XKR6: variants seen among roughly 807,000 people sequenced by gnomAD.
XKR6 encodes the protein XK-related protein 6.
Under a neutral mutation model 56.7 loss-of-function variants are expected in XKR6, and 22 were observed. The ratio of observed to expected loss-of-function variants is 0.39; its 90% confidence interval spans 0.28 to 0.55. The LOEUF (loss-of-function observed/expected upper bound fraction) is 0.55, where lower values mean the gene tolerates loss of function less well. XKR6 is among the 20% of genes least tolerant of loss of function. The pLI is 0.66. For missense variants in XKR6, 852 were observed against 889.0 expected (o/e 0.96, Z 0.53); for synonymous variants, 524 against 387.8 (o/e 1.35, Z -4.13).
chr8:11,100,476 T>TA (rs1454606856), intron 1 of XKR6, among the ~76,000 whole-genome samples: 1 of 152,242 alleles, frequency 6.6e-6, no homozygotes, highest in African/African-American at 2.4e-5. Flanking sequence ...CGCAATGATT[T>TA]AGTCTACAAA....
intron 1 of XKR6, among the ~76,000 whole-genome samples, chr8:11,179,996 G>T (rs540461352): frequency 6.6e-6 from 1 of 151,942 alleles, no homozygotes. Flanking sequence ...AAAAACAGCT[G>T]GGCATGGTGG....
rs368914875 is a variant in XKR6 at position 11,166,507 on chromosome 8, C to T, written c.764+34069G>A. 7.9e-5 allele frequency among the ~76,000 whole-genome samples: 12 copies of T among 152,254 alleles called. 1 individual carries two copies. The East Asian group carries it at 1.2e-3, about 15-fold the overall frequency. On this transcript the variant is annotated intron_variant, in intron 1 of 2. Transcript: ENST00000416569. ...GCAGCCGTGATGGACTAAGACATCA[C>T]AAAAGATTTTTCAAAAATCTAATAT...
intron 1 of XKR6, chr8:11,138,038 C>G (rs532325143): frequency 5.1e-5 from 12 of 237,092 alleles, no homozygotes; most frequent in African/African-American, 2.6e-4. Context: ...GTGGGATCCT[C>G]CATCGCTGTC....
chr8:11,016,648 C>G (rs1185420443), intron 1 of XKR6, among the ~76,000 whole-genome samples: 1 of 152,198 alleles, frequency 6.6e-6, no homozygotes, highest in Non-Finnish European at 1.5e-5. Flanking sequence ...GCCTCCTCGT[C>G]ACTGCCACGG....
chr8:10,966,601 G>A (rs1258759731), intron 1 of XKR6, among the ~76,000 whole-genome samples: 1 of 152,124 alleles, frequency 6.6e-6, no homozygotes, highest in Non-Finnish European at 1.5e-5. Flanking sequence ...GTGAACCCAG[G>A]AGGCGGAGCT....
intron 1 of XKR6, among the ~76,000 whole-genome samples, chr8:10,998,146 G>C (rs183713493): frequency 6.2e-4 from 95 of 152,140 alleles, no homozygotes; most frequent in African/African-American, 2.0e-3. Flanking sequence ...TCCCCCGCCA[G>C]AGAGCGTCCA....
chr8:11,062,616 A>G, intron 1 of XKR6: 1 of 386,926 alleles, frequency 2.6e-6, no homozygotes, highest in Non-Finnish European at 5.1e-6. Flanking sequence ...AAAACAATTT[A>G]TCTAGATCTT....
intron 1 of XKR6, among the ~76,000 whole-genome samples, chr8:11,180,583 G>A (rs1055718076): frequency 6.6e-6 from 1 of 152,206 alleles, no homozygotes; most frequent in African/African-American, 2.4e-5. Flanking sequence ...ATAGTACAGG[G>A]CAGGAGAAGG....
intron 2 of XKR6, among the ~76,000 whole-genome samples, chr8:10,911,634 G>A (rs1423831030): frequency 1.4e-5 from 2 of 146,198 alleles, no homozygotes; most frequent in Admixed American, 1.4e-4. Context: ...GAGAGGGGGT[G>A]AGTATATATA....
chr8:10,977,434 A>T (rs930862673), intron 1 of XKR6, among the ~76,000 whole-genome samples: 2 of 151,818 alleles, frequency 1.3e-5, no homozygotes, highest in African/African-American at 4.8e-5. Flanking sequence ...CCAAGCAGTC[A>T]GCCAGTGGGT....
intron 1 of XKR6, among the ~76,000 whole-genome samples, chr8:10,926,811 C>T (rs1563292749): frequency 6.6e-6 from 1 of 152,246 alleles, no homozygotes; most frequent in Non-Finnish European, 1.5e-5. Context: ...TGGGCCCCTG[C>T]CCGTGAGTTC....
intron 1 of XKR6, among the ~76,000 whole-genome samples, chr8:11,049,586 A>C (rs1799494182): frequency 1.3e-5 from 2 of 152,192 alleles, no homozygotes; most frequent in African/African-American, 2.4e-5. Context: ...GAAATGGATC[A>C]AGGCCCTGGA....
rs74452474 is a variant in XKR6, at chr8:10,991,942, A to G, written c.765-67112T>C. Among the ~76,000 whole-genome samples, 595 of 152,340 alleles carry G rather than the reference A, an allele frequency of 3.9e-3. 13 individuals carry two copies. In the East Asian group the frequency reaches 0.057, roughly 14 times the overall value. On this transcript the variant is annotated intron_variant, in intron 1 of 2. Coordinates refer to ENST00000416569, the MANE Select transcript of XKR6 (RefSeq NM_173683.4). ...TAGAAAAATAAACCTGGATAATTCT[A>G]TTCCCCACTTAGATTCTGTATCCAC...
intron 1 of XKR6, among the ~76,000 whole-genome samples, chr8:11,025,573 T>C (rs1217058470): frequency 1.3e-5 from 2 of 152,204 alleles, no homozygotes. Context: ...GCTTGGTAAG[T>C]ACACGGAAAG....
At chr8:11,035,378 C>G (rs1799114824) in intron 1 of XKR6, 1 of 529,388 alleles carries the variant, frequency 1.9e-6, no homozygotes, top group African/African-American at 1.9e-5. Flanking sequence ...GAATGGGGCT[C>G]TTTGCACTTC....
intron 1 of XKR6, among the ~76,000 whole-genome samples, chr8:11,037,350 T>A (rs1799172319): frequency 6.6e-6 from 1 of 152,186 alleles, no homozygotes; most frequent in Non-Finnish European, 1.5e-5. Flanking sequence ...CTAGGCCTCC[T>A]GAGTAGCTGA....
chr8:11,016,758 C>G (rs1026178623), intron 1 of XKR6, among the ~76,000 whole-genome samples: 2 of 152,212 alleles, frequency 1.3e-5, no homozygotes, highest in Non-Finnish European at 2.9e-5. Flanking sequence ...CCCCTCCTTG[C>G]CCCGCTCTGA....
chr8:10,963,164 C>T (rs1802116069), intron 1 of XKR6, among the ~76,000 whole-genome samples: 1 of 152,212 alleles, frequency 6.6e-6, no homozygotes, highest in Non-Finnish European at 1.5e-5. Context: ...TTGACACAGG[C>T]CCCACTTCCC....
chr8:10,951,284 A>AGTGTGTGTGTGTGTGTGTGTGTGT (rs1430390819), intron 1 of XKR6, among the ~76,000 whole-genome samples: 5 of 91,698 alleles, frequency 5.5e-5, no homozygotes, highest in Non-Finnish European at 7.9e-5. Context: ...GGGATAGAAA[A>AGTGTGTGTGTGTGTGTGTGTGTGT]GTGTGTGTGT....
Sources: gnomAD v4.1 joint callset for allele counts (sites outside exome capture counted in the v4.1 genomes callset) on GRCh38, gnomAD v4.1.1 for gene constraint, MANE v1.5 for transcripts, NCBI Gene and HGNC (gene_info 2026-07-23, HGNC 2026-07-21) for gene names.